The following ZNF141 variants were observed in gnomAD, a reference collection of about 807,000 sequenced individuals.
The protein encoded by ZNF141 is zinc finger protein 141, also known as zinc finger protein 141 (clone pHZ-44).
A neutral mutation model predicts 11.3 loss-of-function variants in ZNF141; 7 were observed. The ratio of observed to expected loss-of-function variants is 0.62; its 90% CI spans 0.35 to 1.16. ZNF141 has a LOEUF of 1.16. Ranked by LOEUF, ZNF141 falls within the 50% of genes most tolerant of loss-of-function variation. ZNF141 has a pLI of 0.02. For missense variants in ZNF141, 535 were observed against 554.0 expected (o/e 0.97, Z 0.34); for synonymous variants, 183 against 190.7 (o/e 0.96, Z 0.33).
chr4:338,725 G>GC (rs1720910680), intron 1 of ZNF141: 1 of 153,540 alleles, frequency 6.5e-6, no homozygotes, highest in Non-Finnish European at 1.5e-5. Flanking sequence ...GGCGTCTGCA[G>GC]GGGGGCAGCT....
intron 3 of ZNF141, among the ~76,000 whole-genome samples, chr4:367,657 C>T (rs541169837): frequency 6.6e-6 from 1 of 152,062 alleles, no homozygotes; most frequent in South Asian, 2.1e-4. Flanking sequence ...GCTGGGATTA[C>T]AGGTGCGCAC....
In ZNF141 at chr4:372,733, T is replaced by C. The variant is rs782180849; in HGVS notation, c.296T>C (p.Ile99Thr). 20 of 1,612,706 alleles carry C rather than the reference T, an allele frequency of 1.2e-5. No individual in the cohort carries two copies. The highest frequency in any genetic ancestry group is 5.3e-5 in the African/African-American group (4 of 74,904). ...QGIEDSFHKLILRRYEKCGHD... is the reference protein window; with the variant it reads ...QGIEDSFHKLTLRRYEKCGHD... ...ATAGAAGATTCATTCCACAAACTTATACTGAGAAGATATGAGAAATGTGGA... is the reference window on the plus strand; with the variant it reads ...ATAGAAGATTCATTCCACAAACTTACACTGAGAAGATATGAGAAATGTGGA... The change falls in exon 4 of 4, where the codon ATA (isoleucine) becomes ACA (threonine). Residue 99 changes from isoleucine to threonine, a missense_variant. By Grantham distance (89) the Ile-to-Thr change is moderately conservative. Transcript: ENST00000240499.
chr4:364,007 A>G (rs1257457804), intron 3 of ZNF141, among the ~76,000 whole-genome samples: 1 of 152,120 alleles, frequency 6.6e-6, no homozygotes, highest in African/African-American at 2.4e-5. Context: ...TGATTTGTGT[A>G]TGTTGAACCA....
chr4:365,268 C>A (rs1268043657), intron 3 of ZNF141, among the ~76,000 whole-genome samples: 1 of 152,214 alleles, frequency 6.6e-6, no homozygotes, highest in African/African-American at 2.4e-5. Context: ...AGGGAAATCC[C>A]CCAACCCCTT....
Position 373,971 on chromosome 4 carries a change from G to T in ZNF141, c.*109G>T. Reference sequence around the variant, plus strand: ...GAGAAACCCTGGAAATGTGAAGAACGTGGCAAAGTTCTTTACCTCATTCTC... The same window carrying T: ...GAGAAACCCTGGAAATGTGAAGAACTTGGCAAAGTTCTTTACCTCATTCTC... On this transcript the variant is annotated 3_prime_UTR_variant, in exon 4 of 4. Transcript: ENST00000240499. 2 of 1,000,668 alleles carry T rather than the reference G, an allele frequency of 2.0e-6. No individual in the cohort carries two copies. Among genetic ancestry groups the T allele is most frequent in the Non-Finnish European group, 1.5e-6 (1 of 666,144 alleles). The allele number at this position is 1,000,668 out of a possible 1,614,324, so 62.0% of individuals were successfully genotyped here. A position where few individuals can be genotyped will look rare whatever the true frequency, so the allele number is the denominator to read the frequency against.
intron 3 of ZNF141, among the ~76,000 whole-genome samples, chr4:348,306 A>C (rs1350535690): frequency 6.6e-6 from 1 of 152,108 alleles, no homozygotes; most frequent in Non-Finnish European, 1.5e-5. Flanking sequence ...ATGTCATTTC[A>C]AAAAAAGTTA....
chr4:337,822 G>C lies in ZNF141; in HGVS notation c.-162G>C. 5.7e-6 allele frequency: 5 copies of C among 876,184 alleles called. No homozygotes were observed. Among genetic ancestry groups the C allele is most frequent in the Non-Finnish European group, 9.1e-6 (5 of 551,798 alleles). 54.3% of individuals were successfully genotyped at this position (876,184 alleles called of 1,614,324 possible). On this transcript the variant is annotated 5_prime_UTR_variant, in exon 1 of 4. Transcript: ENST00000240499. ...TCCGGGATGTGGCGCGGGTCTTTGC[G>C]TCTGGCTACTACCAGACCGCGGGTT...
At chr4:358,090 G>T (rs1721931223) in intron 3 of ZNF141, 1 of 304,722 alleles carries the variant, frequency 3.3e-6, no homozygotes, top group Non-Finnish European at 6.2e-6. Flanking sequence ...TTTTCCTGTA[G>T]AACTGAGTCT....
chr4:354,803 A>T (rs1170304164), intron 3 of ZNF141, among the ~76,000 whole-genome samples: 1 of 152,074 alleles, frequency 6.6e-6, no homozygotes, highest in Non-Finnish European at 1.5e-5. Flanking sequence ...TTGGTTGTTC[A>T]GAAGCATGTT....
Position 377,097 on chromosome 4 carries a change from GTTTTAA to G in ZNF141, c.*3239_*3244del, listed in dbSNP as rs1381940420. On this transcript the variant is annotated 3_prime_UTR_variant, in exon 4 of 4. Coordinates refer to ENST00000240499, the MANE Select transcript of ZNF141 (RefSeq NM_003441.4). ...TTTAGTTAGAACATTTCATTTTGTT[GTTTTAA>G]TTTAAGAACCCTATATAAGCTGTTT... 1.3e-5 allele frequency among the ~76,000 whole-genome samples: 2 copies of G among 152,056 alleles called. No individual in the cohort carries two copies. Among genetic ancestry groups the G allele is most frequent in the African/African-American group, 4.8e-5 (2 of 41,422 alleles).
chr4:350,512 C>G (rs531103704), intron 3 of ZNF141, among the ~76,000 whole-genome samples: 3 of 152,324 alleles, frequency 2.0e-5, no homozygotes, highest in African/African-American at 7.2e-5. Context: ...TAAAATCTTT[C>G]ATTCATTGAA....
At chr4:339,376 A>T (rs528788273) in intron 1 of ZNF141, among the ~76,000 whole-genome samples, 1 of 152,282 alleles carries the variant, frequency 6.6e-6, no homozygotes, top group South Asian at 2.1e-4. Flanking sequence ...CCTTTCGTCA[A>T]TCCTGCCTTG....
chr4:372,595 A>T, intron 3 of ZNF141, 69 bp from the exon 4 acceptor site: 5 of 1,315,796 alleles, frequency 3.8e-6, no homozygotes, highest in Non-Finnish European at 5.1e-6. Flanking sequence ...GAATAATTTC[A>T]TAAGATTTGT....
intron 3 of ZNF141, chr4:358,451 G>A: frequency 8.0e-6 from 2 of 250,718 alleles, no homozygotes; most frequent in Non-Finnish European, 1.6e-5. Flanking sequence ...CTCCTGAAGT[G>A]CTGGGATTAC....
chr4:351,309 C>T (rs1302458952), intron 3 of ZNF141, among the ~76,000 whole-genome samples: 1 of 151,658 alleles, frequency 6.6e-6, no homozygotes, highest in Non-Finnish European at 1.5e-5. Flanking sequence ...TCTCGGCTCA[C>T]TGCAATGTCC....
chr4:360,228 C>T (rs782190687), intron 3 of ZNF141, among the ~76,000 whole-genome samples: 1 of 152,110 alleles, frequency 6.6e-6, no homozygotes, highest in African/African-American at 2.4e-5. Flanking sequence ...GGGTAGGGAG[C>T]CTCCTATTCT....
At chr4:371,283 G>A (rs1325846037) in intron 3 of ZNF141, among the ~76,000 whole-genome samples, 4 of 149,650 alleles carry the variant, frequency 2.7e-5, no homozygotes, top group African/African-American at 4.9e-5. Context: ...CCAGGCTGGA[G>A]TGCAATGGTG....
intron 3 of ZNF141, among the ~76,000 whole-genome samples, chr4:346,878 T>TACAC (rs377666294): frequency 0.036 from 4,279 of 120,140 alleles, 343 homozygotes; most frequent in African/African-American, 0.11. Flanking sequence ...TATATATGTA[T>TACAC]ACACACACAC....
chr4:338,308 C>G (rs1720888331), intron 1 of ZNF141: 5 of 352,864 alleles, frequency 1.4e-5, no homozygotes, highest in Non-Finnish European at 2.7e-5. Flanking sequence ...AAGCTGTGGT[C>G]TGGGGATCCC....
Sources: allele counts gnomAD v4.1 joint callset (sites outside exome capture counted in the v4.1 genomes callset), GRCh38; gene constraint gnomAD v4.1.1; transcripts MANE v1.5; gene names NCBI Gene and HGNC (gene_info 2026-07-23, HGNC 2026-07-21).